INPP4B: variants seen among roughly 807,000 people sequenced by gnomAD.
INPP4B encodes inositol polyphosphate-4-phosphatase type II B, also known as inositol polyphosphate 4-phosphatase type II.
INPP4B carries 55 observed loss-of-function variants against 122.5 expected under a neutral mutation model. That is an observed-to-expected ratio of 0.45 (90% confidence interval 0.36 to 0.56). The LOEUF is 0.56. INPP4B is among the 20% of genes least tolerant of loss of function. The pLI, the probability that INPP4B is intolerant of heterozygous loss-of-function variation, is 0.00. For missense variants in INPP4B, 1,000 were observed against 1,097.7 expected, an observed-to-expected ratio of 0.91 and a Z score of 1.26; for synonymous variants, 403 against 388.7, an observed-to-expected ratio of 1.04 and a Z score of -0.43.
At chr4:142,552,679 C>T (rs192241514) in intron 2 of INPP4B, among the ~76,000 whole-genome samples, 2 of 152,254 alleles carry the variant, frequency 1.3e-5, no homozygotes, top group East Asian at 3.9e-4. Flanking sequence ...TTAACAATTG[C>T]TACCATTTAA....
chr4:142,196,030 A>C (rs1381836234), intron 14 of INPP4B, among the ~76,000 whole-genome samples: 1 of 152,218 alleles, frequency 6.6e-6, no homozygotes, highest in African/African-American at 2.4e-5. Flanking sequence ...TCTATGAAGA[A>C]ACCGAGACAT....
intron 7 of INPP4B, chr4:142,383,994 T>C (rs1032536443): frequency 1.3e-5 from 9 of 683,558 alleles, no homozygotes; most frequent in Non-Finnish European, 2.1e-5. Flanking sequence ...TCATGTGATG[T>C]CTTGCACTTG....
intron 2 of INPP4B, among the ~76,000 whole-genome samples, chr4:142,519,357 A>G (rs755895268): frequency 6.6e-6 from 1 of 152,312 alleles, no homozygotes; most frequent in Non-Finnish European, 1.5e-5. Context: ...ATTAATTTGT[A>G]GCACAATACA....
intron 2 of INPP4B, among the ~76,000 whole-genome samples, chr4:142,595,578 GAGA>G (rs1413916871): frequency 1.3e-5 from 2 of 152,224 alleles, no homozygotes; most frequent in East Asian, 1.9e-4. Flanking sequence ...TGGTTTTTTT[GAGA>G]AGAAGAGAGA....
intron 23 of INPP4B, among the ~76,000 whole-genome samples, chr4:142,105,060 G>A (rs866999708): frequency 4.3e-4 from 65 of 151,914 alleles, no homozygotes; most frequent in African/African-American, 1.5e-3. Flanking sequence ...TCCTATATGT[G>A]GCCTCTTTCT....
chr4:142,282,808 G>A (rs186779628), intron 9 of INPP4B, among the ~76,000 whole-genome samples: 7 of 151,986 alleles, frequency 4.6e-5, no homozygotes, highest in East Asian at 1.9e-4. Flanking sequence ...ATATATTCAC[G>A]GTGCAACCTG....
At chr4:142,839,030 T>G (rs1783152107) in intron 1 of INPP4B, among the ~76,000 whole-genome samples, 1 of 152,204 alleles carries the variant, frequency 6.6e-6, no homozygotes, top group Admixed American at 6.5e-5. Flanking sequence ...TGACTTAAAT[T>G]CACACCTCAG....
At chr4:142,546,804 G>T (rs1420445405) in intron 2 of INPP4B, among the ~76,000 whole-genome samples, 5 of 152,124 alleles carry the variant, frequency 3.3e-5, no homozygotes, top group Non-Finnish European at 7.4e-5. Context: ...AGAAGTGGTT[G>T]AGAGGGATGC....
intron 21 of INPP4B, among the ~76,000 whole-genome samples, chr4:142,113,517 C>T (rs1274507866): frequency 6.6e-6 from 1 of 151,850 alleles, no homozygotes; most frequent in African/African-American, 2.4e-5. Context: ...TTTTTAATTT[C>T]TCCTAGTATA....
chr4:142,480,589 G>C (rs1224694965), intron 2 of INPP4B, among the ~76,000 whole-genome samples: 1 of 152,200 alleles, frequency 6.6e-6, no homozygotes, highest in Non-Finnish European at 1.5e-5. Flanking sequence ...CTCCACCGTA[G>C]TCCACTATAG....
intron 15 of INPP4B, among the ~76,000 whole-genome samples, chr4:142,176,827 C>G (rs575613206): frequency 6.6e-6 from 1 of 152,174 alleles, no homozygotes; most frequent in East Asian, 1.9e-4. Flanking sequence ...ACTGAGATCC[C>G]CTCTAAACCC....
intron 2 of INPP4B, among the ~76,000 whole-genome samples, chr4:142,623,567 T>A (rs557185103): frequency 1.1e-4 from 17 of 152,158 alleles, no homozygotes; most frequent in African/African-American, 1.9e-4. Flanking sequence ...ACTCCTTTTT[T>A]AAATTTTATT....
At chr4:142,379,072 G>A (rs72724537) in intron 7 of INPP4B, among the ~76,000 whole-genome samples, 1,677 of 152,094 alleles carry the variant, frequency 0.011, 17 homozygotes, top group Middle Eastern at 0.037. Context: ...CCAAAATGCC[G>A]ATATAACTAT....
chr4:142,154,682 G>A (rs1001368292), intron 17 of INPP4B, among the ~76,000 whole-genome samples: 2 of 152,084 alleles, frequency 1.3e-5, no homozygotes, highest in Non-Finnish European at 2.9e-5. Context: ...TGGGAGAAAA[G>A]CTACTGGACA....
chr4:142,059,581 G>A (rs1396763944), intron 25 of INPP4B, among the ~76,000 whole-genome samples: 1 of 152,104 alleles, frequency 6.6e-6, no homozygotes, highest in African/African-American at 2.4e-5. Context: ...TTGCTTACTT[G>A]TTTGATAAAA....
chr4:142,675,061 T>A (rs1366307693), intron 2 of INPP4B, among the ~76,000 whole-genome samples: 2 of 152,072 alleles, frequency 1.3e-5, no homozygotes, highest in Non-Finnish European at 2.9e-5. Context: ...AATCAGTGAA[T>A]CCAGGAGGTG....
chr4:142,305,908 C>G lies in INPP4B; in HGVS notation c.424-371G>C, dbSNP rs958986980. 25 of 1,034,524 alleles carry G rather than the reference C, an allele frequency of 2.4e-5. No individual in the cohort carries two copies. The African/African-American group carries it at 4.0e-4, about 16-fold the overall frequency. 64.1% of individuals were successfully genotyped at this position (1,034,524 alleles called of 1,614,324 possible). ...TGTTGTTCCTCTTATTAGAATTCCT[C>G]AAATCACTGGCAGCAACAACTTTGT... On this transcript the variant is annotated intron_variant, in intron 8 of 25. Coordinates refer to ENST00000262992, the MANE Select transcript of INPP4B (RefSeq NM_001101669.3).
At chr4:142,759,356 A>C (rs1770959825) in intron 1 of INPP4B, among the ~76,000 whole-genome samples, 1 of 152,160 alleles carries the variant, frequency 6.6e-6, no homozygotes, top group South Asian at 2.1e-4. Context: ...CAAGGCTTAC[A>C]TTAAAATGGT....
intron 7 of INPP4B, among the ~76,000 whole-genome samples, chr4:142,372,945 C>T (rs541775626): frequency 6.6e-6 from 1 of 151,944 alleles, no homozygotes; most frequent in Non-Finnish European, 1.5e-5. Flanking sequence ...AATGACCTAC[C>T]TTCTATAACT....
Sources: gnomAD v4.1 joint callset for allele counts (sites outside exome capture counted in the v4.1 genomes callset) on GRCh38, gnomAD v4.1.1 for gene constraint, MANE v1.5 for transcripts, NCBI Gene and HGNC (gene_info 2026-07-23, HGNC 2026-07-21) for gene names.